Variants in CACNA1I observed in about 807,000 individuals in gnomAD.
The protein encoded by CACNA1I is calcium voltage-gated channel subunit alpha1 I.
In CACNA1I, 74 loss-of-function variants were observed where a neutral mutation model predicts 201.6. The ratio of observed to expected loss-of-function variants is 0.37; its 90% CI spans 0.30 to 0.45. The LOEUF is 0.45. Ranked by LOEUF, CACNA1I falls within the 20% of genes least tolerant of loss-of-function variation. CACNA1I has a pLI of 1.00. For synonymous variants in CACNA1I, 1,431 were observed against 1,345.2 expected (o/e 1.06, Z -1.40); for missense variants, 2,346 against 3,138.1 (o/e 0.75, Z 6.03).
intron 1 of CACNA1I, among the ~76,000 whole-genome samples, chr22:39,577,723 C>T (rs1442504360): frequency 6.6e-6 from 1 of 152,242 alleles, no homozygotes; most frequent in East Asian, 1.9e-4. Context: ...GACCAGCGTG[C>T]CGGCTGAGGG....
chr22:39,685,853 CA>C lies in CACNA1I; in HGVS notation c.6121del (p.Ser2041AlafsTer27). On this transcript the variant is annotated frameshift_variant, in exon 37 of 37. Coordinates refer to ENST00000402142, the MANE Select transcript of CACNA1I (RefSeq NM_021096.4). LOFTEE classifies it low-confidence loss of function (END_TRUNC). This position sits in a 1 kb window ranked among gnomAD's most constrained non-coding sequence, Gnocchi z 5.0. The stretch of plus-strand genomic sequence containing the variant: ...TCGAGGACAGCCTGACCCTGAGCGA[CA>C]GCCCCCGGCGTGCCCTGGGGCCGCC... ...TLEDSLTLSD[S>X]PRRALGPPAP... is the part of the protein sequence containing the mutation. 1 of 1,479,910 alleles carries C rather than the reference CA, an allele frequency of 6.8e-7. No homozygotes were observed. The highest frequency in any genetic ancestry group is 8.9e-7 in the Non-Finnish European group (1 of 1,123,784). The allele number at this position is 1,479,910 out of a possible 1,614,324, so 91.7% of individuals were successfully genotyped here.
intron 3 of CACNA1I, among the ~76,000 whole-genome samples, chr22:39,609,752 G>A (rs1273588578): frequency 2.0e-5 from 3 of 152,208 alleles, no homozygotes; most frequent in African/African-American, 7.2e-5. Context: ...GTTCAGGCAA[G>A]ATCACAAGAG....
At chr22:39,681,363 G>C (rs1443277854) in intron 34 of CACNA1I, among the ~76,000 whole-genome samples, 1 of 152,252 alleles carries the variant, frequency 6.6e-6, no homozygotes, top group African/African-American at 2.4e-5. Flanking sequence ...GGGGCTGTGA[G>C]GCTGAAGCGA....
Position 39,686,368 on chromosome 22 carries a change from T to C in CACNA1I, c.6635T>C (p.Leu2212Pro). The C allele has an allele frequency of 7.7e-7, 1 of 1,306,370 alleles. No individual in the cohort carries two copies. Among genetic ancestry groups the C allele is most frequent in the Non-Finnish European group, 9.8e-7 (1 of 1,025,052 alleles). The allele number at this position is 1,306,370 out of a possible 1,614,324, so 80.9% of individuals were successfully genotyped here. Residue 2212 changes from leucine (L) to proline (P), a missense_variant, in exon 37 of 37, where the codon CTG (leucine) becomes CCG (proline). Coordinates refer to ENST00000402142, the MANE Select transcript of CACNA1I (RefSeq NM_021096.4). ...APPPQPLPGE[L>P]EPGDAASKRK... ...CCGCCGCAACCGCTCCCCGGAGAGC[T>C]GGAGCCGGGAGACGCCGCCAGCAAG... is the stretch of plus-strand genomic sequence containing the variant.
chr22:39,679,696 TC>T, intron 32 of CACNA1I, 25 bp from the exon 33 acceptor site: 1 of 1,598,728 alleles, frequency 6.3e-7, no homozygotes. Context: ...ATCCCGCCTG[TC>T]CCCACCCCGT....
At chr22:39,600,367 C>T (rs1452891913) in intron 2 of CACNA1I, among the ~76,000 whole-genome samples, 153 bp from the exon 3 acceptor site, 1 of 152,118 alleles carries the variant, frequency 6.6e-6, no homozygotes, top group Non-Finnish European at 1.5e-5. Context: ...ACTGGGATCA[C>T]TGAGGTTCTC....
chr22:39,572,915 C>T (rs1932233853), intron 1 of CACNA1I, among the ~76,000 whole-genome samples: 1 of 152,138 alleles, frequency 6.6e-6, no homozygotes, highest in African/African-American at 2.4e-5. Context: ...CACCGCCATG[C>T]CCTACTAATT....
At chr22:39,655,233 G>A (rs1225201801) in intron 10 of CACNA1I, among the ~76,000 whole-genome samples, 1 of 147,648 alleles carries the variant, frequency 6.8e-6, no homozygotes, top group East Asian at 2.1e-4. Context: ...CCATTATTAT[G>A]ATGGGGATGG....
intron 4 of CACNA1I, among the ~76,000 whole-genome samples, chr22:39,622,096 C>T (rs1269268892): frequency 6.6e-6 from 1 of 151,796 alleles, no homozygotes; most frequent in African/African-American, 2.4e-5. Flanking sequence ...GATTTTCTCC[C>T]ATGTGCCCCA....
chr22:39,670,613 T>G lies in CACNA1I; in HGVS notation c.4388-190T>G, dbSNP rs531819077. ...TGTCCTGCCTTCTTTGTCACCCTTC[T>G]CCACAGTTTCTCTCATGGTGCTTTG... is the stretch of plus-strand genomic sequence containing the variant. On this transcript the variant is annotated intron_variant, in intron 25 of 36. Transcript: ENST00000402142. Among the ~76,000 whole-genome samples, 5 of 152,280 alleles carry G rather than the reference T, an allele frequency of 3.3e-5. 1 individual carries two copies. The South Asian group carries it at 1.0e-3, about 32-fold the overall frequency.
intron 4 of CACNA1I, among the ~76,000 whole-genome samples, chr22:39,628,444 G>C (rs970727972): frequency 1.3e-5 from 2 of 152,074 alleles, no homozygotes; most frequent in East Asian, 1.9e-4. Flanking sequence ...CACAGCAGGT[G>C]GGGGGACCTT....
At chr22:39,593,246 G>C (rs954987115) in intron 1 of CACNA1I, among the ~76,000 whole-genome samples, 1 of 152,234 alleles carries the variant, frequency 6.6e-6, no homozygotes, top group East Asian at 1.9e-4. Context: ...GGGTGACCTT[G>C]TGTGAGTGGT....
chr22:39,670,595 C>T (rs1249832098), intron 25 of CACNA1I, among the ~76,000 whole-genome samples: 1 of 152,196 alleles, frequency 6.6e-6, no homozygotes, highest in East Asian at 1.9e-4. Context: ...GAATGTCCTG[C>T]CTTCTTTGTC....
intron 10 of CACNA1I, among the ~76,000 whole-genome samples, chr22:39,650,750 G>A (rs942714421): frequency 6.6e-6 from 1 of 152,224 alleles, no homozygotes; most frequent in Admixed American, 6.5e-5. Flanking sequence ...TGGGCTGGGA[G>A]CAGGGAGGAC....
intron 3 of CACNA1I, among the ~76,000 whole-genome samples, chr22:39,606,569 G>T (rs912266241): frequency 3.9e-5 from 6 of 152,294 alleles, no homozygotes; most frequent in Admixed American, 3.3e-4. Flanking sequence ...GTCTCTTTCT[G>T]TTGCCCAGGC....
chr22:39,636,856 T>C (rs1302172745), intron 5 of CACNA1I, among the ~76,000 whole-genome samples: 1 of 152,188 alleles, frequency 6.6e-6, no homozygotes, highest in East Asian at 1.9e-4. Flanking sequence ...CCCTGTGAGA[T>C]GGACAGAGCT....
rs150830911 is a variant in CACNA1I, at chr22:39,648,102, C to T, written c.1567+176C>T. ...GGGGCCCCCAGCACGTGGCCGTCCA[C>T]GGCGGGAGTCAGCCACCCCAGGCCC... On this transcript the variant is annotated intron_variant, in intron 9 of 36. Transcript: ENST00000402142. This position sits in a 1 kb window ranked among gnomAD's most constrained non-coding sequence, Gnocchi z 5.4. Among the ~76,000 whole-genome samples, 104 of 152,294 alleles carry T rather than the reference C, an allele frequency of 6.8e-4. No homozygotes were observed. Among genetic ancestry groups the T allele is most frequent in the African/African-American group, 2.4e-3 (98 of 41,568 alleles).
chr22:39,636,023 C>G (rs1158571104), intron 5 of CACNA1I, among the ~76,000 whole-genome samples: 2 of 152,352 alleles, frequency 1.3e-5, no homozygotes, highest in East Asian at 3.9e-4. Flanking sequence ...GCAGGGGCAC[C>G]TGGGGCTTAA....
chr22:39,608,279 G>A (rs2146379537), intron 3 of CACNA1I, among the ~76,000 whole-genome samples: 1 of 152,200 alleles, frequency 6.6e-6, no homozygotes, highest in South Asian at 2.1e-4. Flanking sequence ...CTCCAGCCTG[G>A]GAGACAGAGT....
Sources: gnomAD v4.1 joint callset for allele counts (sites outside exome capture counted in the v4.1 genomes callset) on GRCh38, gnomAD v4.1.1 for gene constraint, Gnocchi (gnomAD v3.1) non-coding constraint, MANE v1.5 for transcripts, NCBI Gene and HGNC (gene_info 2026-07-23, HGNC 2026-07-21) for gene names.